Variants in AZIN1 observed in about 807,000 individuals in gnomAD.
AZIN1 encodes the protein ornithine decarboxylase antizyme inhibitor.
Under a neutral mutation model 47.4 loss-of-function variants are expected in AZIN1, and 12 were observed. The ratio of observed to expected loss-of-function variants is 0.25; its 90% confidence interval spans 0.16 to 0.41. AZIN1 has a LOEUF of 0.41. Ranked by LOEUF, AZIN1 falls within the 10% of genes least tolerant of loss-of-function variation. The pLI is 1.00. For synonymous variants in AZIN1, 155 were observed against 176.3 expected (o/e 0.88, Z 0.96); for missense variants, 410 against 532.4 (o/e 0.77, Z 2.26).
chr8:102,861,687 G>A (rs369429410), intron 1 of AZIN1, among the ~76,000 whole-genome samples: 2 of 152,060 alleles, frequency 1.3e-5, no homozygotes, highest in South Asian at 4.2e-4. Context: ...AATGCATACT[G>A]TATGATTCCA....
rs1011591117 is a variant in AZIN1 at position 102,827,491 on chromosome 8, C to T, written c.*1076G>A. On this transcript the variant is annotated 3_prime_UTR_variant, in exon 12 of 12. Coordinates refer to ENST00000337198, the MANE Select transcript of AZIN1 (RefSeq NM_148174.4). ...TAATAAGTGTGCTTCACCCCAACCC[C>T]CATCCCAACTCTGAATTTAAACATT... 1 of 152,150 alleles carries T rather than the reference C, an allele frequency of 6.6e-6. No individual in the cohort carries two copies. Among genetic ancestry groups the T allele is most frequent in the Non-Finnish European group, 1.5e-5 (1 of 68,016 alleles). 9.4% of individuals were successfully genotyped at this position (152,150 alleles called of 1,614,324 possible).
At chr8:102,855,455 TAC>T (rs1457007152) in intron 2 of AZIN1, 2 of 152,232 alleles carry the variant, frequency 1.3e-5, no homozygotes, top group African/African-American at 2.4e-5. Context: ...AAGACATTTT[TAC>T]AGTGTTTGCG....
chr8:102,834,085 T>C (rs1330061137), intron 8 of AZIN1, 104 bp downstream of exon 8: 6 of 855,932 alleles, frequency 7.0e-6, no homozygotes, highest in South Asian at 3.2e-5. Flanking sequence ...AGAGATGTTA[T>C]AGGGTTTAGT....
At chr8:102,839,510 A>G (rs1812039427) in intron 4 of AZIN1, 140 bp downstream of exon 4, 1 of 577,802 alleles carries the variant, frequency 1.7e-6, no homozygotes, top group Non-Finnish European at 2.8e-6. Flanking sequence ...ATTTTCCAAC[A>G]TGAGGCTGGA....
chr8:102,852,926 C>G (rs1813011258), intron 2 of AZIN1, among the ~76,000 whole-genome samples: 1 of 152,184 alleles, frequency 6.6e-6, no homozygotes, highest in Non-Finnish European at 1.5e-5. Context: ...TTAGGCTTAT[C>G]TGAACAATGG....
intron 2 of AZIN1, among the ~76,000 whole-genome samples, chr8:102,857,665 CAGTT>C (rs1479211136): frequency 1.3e-5 from 2 of 151,962 alleles, no homozygotes; most frequent in South Asian, 2.1e-4. Flanking sequence ...TAAAAACAAT[CAGTT>C]AGTTGTTCCT....
intron 6 of AZIN1, among the ~76,000 whole-genome samples, chr8:102,835,701 T>A (rs1203870026): frequency 2.0e-5 from 3 of 152,236 alleles, no homozygotes; most frequent in Admixed American, 2.0e-4. Context: ...TGTGAGTGTT[T>A]GAAAAAGCAA....
intron 3 of AZIN1, among the ~76,000 whole-genome samples, chr8:102,842,865 C>A (rs891269145): frequency 6.6e-6 from 1 of 151,902 alleles, no homozygotes; most frequent in African/African-American, 2.4e-5. Context: ...TGAGATCGTG[C>A]CACTGAACTC....
chr8:102,828,391 C>T lies in AZIN1; in HGVS notation c.*176G>A, dbSNP rs1469773740. 1.7e-5 allele frequency: 8 copies of T among 465,132 alleles called. No homozygotes were observed. The highest frequency in any genetic ancestry group is 3.3e-5 in the East Asian group (1 of 30,714). 28.8% of individuals were successfully genotyped at this position (465,132 alleles called of 1,614,324 possible). On this transcript the variant is annotated 3_prime_UTR_variant, in exon 12 of 12. Coordinates refer to ENST00000337198, the MANE Select transcript of AZIN1 (RefSeq NM_148174.4). ...TACATTATCTAAATCTCCCATTATC[C>T]CCAATGAATTATAGATGAAAGCTGA...
At chr8:102,860,011 C>T (rs1475885836) in intron 1 of AZIN1, among the ~76,000 whole-genome samples, 2 of 152,170 alleles carry the variant, frequency 1.3e-5, no homozygotes, top group African/African-American at 2.4e-5. Context: ...TAAACACATA[C>T]AGGATAGATA....
chr8:102,845,264 T>G (rs767384135), intron 2 of AZIN1, among the ~76,000 whole-genome samples: 2 of 152,192 alleles, frequency 1.3e-5, no homozygotes, highest in African/African-American at 4.8e-5. Context: ...AAACAGTCCT[T>G]AATAAGCTGT....
In AZIN1 at chr8:102,833,177, A is replaced by C; in HGVS notation, c.783T>G (p.Pro261=). ...VISPLLDIYF[P]EGSGVKIISE... ...AAATTATCTTAACACCAGATCCTTC[A>C]GGAAAGTAGATATCCAACAGAGGGC... Residue 261 remains proline, a synonymous_variant, in exon 9 of 12, where the codon CCT becomes CCG. Transcript: ENST00000337198. 1 of 1,613,832 alleles carries C rather than the reference A, an allele frequency of 6.2e-7. No homozygotes were observed. Among genetic ancestry groups the C allele is most frequent in the Non-Finnish European group, 8.5e-7 (1 of 1,179,800 alleles).
chr8:102,841,791 A>AAT (rs1208641693), intron 3 of AZIN1, among the ~76,000 whole-genome samples: 440 of 138,172 alleles, frequency 3.2e-3, no homozygotes, highest in Admixed American at 5.8e-3. Flanking sequence ...AGTTAAGTCT[A>AAT]ATATATATAT....
In AZIN1 at chr8:102,833,937, A is replaced by G. The variant is rs576824787; in HGVS notation, c.741+252T>C. On this transcript the variant is annotated intron_variant, in intron 8 of 11. Transcript: ENST00000337198. The stretch of plus-strand genomic sequence containing the variant: ...AGTAGTGAAGTTTTCTAAGTATTAA[A>G]TCATTTGTGCCATTAAGTACAGAAA... 3.1e-4 allele frequency among the ~76,000 whole-genome samples: 47 copies of G among 152,000 alleles called. No individual in the cohort carries two copies. In the South Asian group the frequency reaches 8.5e-3, roughly 27 times the overall value.
rs1282777541 is a variant in AZIN1 at position 102,834,269 on chromosome 8, G to C, written c.667-6C>G. ...ATCGTAAAGCCAATTTCTCCCTAGA[G>C]ATGGAAAAAAAAAATTTAAATGTTT... is the stretch of plus-strand genomic sequence containing the variant. On this transcript the variant is annotated splice_region_variant and splice_polypyrimidine_tract_variant and intron_variant, in intron 7 of 11. Coordinates refer to ENST00000337198, the MANE Select transcript of AZIN1 (RefSeq NM_148174.4). 4 of 1,604,190 alleles carry C rather than the reference G, an allele frequency of 2.5e-6. No homozygotes were observed. Among genetic ancestry groups the C allele is most frequent in the Non-Finnish European group, 3.4e-6 (4 of 1,176,886 alleles).
rs949272258 is a variant in AZIN1, at chr8:102,826,789, A to G, written c.*1778T>C. 1 of 152,604 alleles carries G rather than the reference A, an allele frequency of 6.6e-6. No homozygotes were observed. Among genetic ancestry groups the G allele is most frequent in the Non-Finnish European group, 1.5e-5 (1 of 68,026 alleles). The allele number at this position is 152,604 out of a possible 1,614,324, so 9.5% of individuals were successfully genotyped here. A position where few individuals can be genotyped will look rare whatever the true frequency, so the allele number is the denominator to read the frequency against. On this transcript the variant is annotated 3_prime_UTR_variant, in exon 12 of 12. Transcript: ENST00000337198. ...GGACCACAACAATGCACAACATGTA[A>G]AGAAGGTAGGAAACAGTTCCCCCTC...
At position 102,843,636 on chromosome 8, in the gene AZIN1, T is replaced by C; in HGVS notation, c.17A>G (p.Asp6Gly). The change falls in exon 3 of 12, where the codon GAT (aspartate) becomes GGT (glycine). Residue 6 changes from aspartate (D) to glycine (G), a missense_variant. Asp to Gly is a moderately conservative substitution (Grantham distance 94). Transcript: ENST00000337198. MKGFI[D>G]DANYSVGLLD... ...CAGGCCAACGGAGTAGTTTGCATCA[T>C]CAATAAATCCTTTCATCTCAGCCGT... 1.2e-6 allele frequency: 2 copies of C among 1,613,970 alleles called. No individual in the cohort carries two copies. The highest frequency in any genetic ancestry group is 1.1e-5 in the South Asian group (1 of 91,052).
chr8:102,841,795 T>G (rs1586175289), intron 3 of AZIN1, among the ~76,000 whole-genome samples: 1 of 130,564 alleles, frequency 7.7e-6, no homozygotes, highest in East Asian at 2.1e-4. Context: ...AAGTCTAATA[T>G]ATATATATAT....
At chr8:102,836,629 G>A in intron 5 of AZIN1, 1 of 454,644 alleles carries the variant, frequency 2.2e-6, no homozygotes, top group Middle Eastern at 5.6e-4. Flanking sequence ...TTAAGACTCT[G>A]TTGTAGCATC....
Sources: allele counts gnomAD v4.1 joint callset (sites outside exome capture counted in the v4.1 genomes callset), GRCh38; gene constraint gnomAD v4.1.1; transcripts MANE v1.5; gene names NCBI Gene and HGNC (gene_info 2026-07-23, HGNC 2026-07-21).